ATPAF1: variants seen among roughly 807,000 people sequenced by gnomAD.
ATPAF1 encodes the protein homolog of yeast ATP11.
In ATPAF1, 26 loss-of-function variants were observed where a neutral mutation model predicts 43.9. That is an observed-to-expected ratio of 0.59 (90% CI 0.43 to 0.82). The LOEUF (loss-of-function observed/expected upper bound fraction) is 0.82, where lower values mean the gene tolerates loss of function less well. Ranked by LOEUF, ATPAF1 falls within the 40% of genes least tolerant of loss-of-function variation. ATPAF1 has a pLI of 0.00. For synonymous variants in ATPAF1, 157 were observed against 168.0 expected (o/e 0.93, Z 0.50); for missense variants, 366 against 435.0 (o/e 0.84, Z 1.41).
rs577144577 is a variant in ATPAF1 at position 46,666,562 on chromosome 1, C to A, written c.267-1198G>T. ...GCATAAAAGTAAACAAATGAAAGTA[C>A]AACAGGTATTATGATGAAAATTTGC... On this transcript the variant is annotated intron_variant, in intron 1 of 8. Transcript: ENST00000574428. 2.6e-5 allele frequency among the ~76,000 whole-genome samples: 4 copies of A among 152,354 alleles called. No individual in the cohort carries two copies. In the South Asian group the frequency reaches 8.3e-4, roughly 32 times the overall value.
chr1:46,661,413 T>C (rs1377135288), intron 2 of ATPAF1, among the ~76,000 whole-genome samples: 1 of 152,146 alleles, frequency 6.6e-6, no homozygotes, highest in African/African-American at 2.4e-5. Context: ...TAACACCCAT[T>C]TGCCAGTCAG....
At chr1:46,634,765 G>T (rs898215427), downstream of ATPAF1, 3 of 152,516 alleles carry the variant, frequency 2.0e-5, no homozygotes, top group African/African-American at 7.2e-5. Context: ...ACGAAAGATG[G>T]GTTTCCAGCT....
rs141637108 is a variant in ATPAF1 at position 46,653,878 on chromosome 1, A to G, written c.490-11T>C. 8.1e-6 allele frequency: 13 copies of G among 1,609,880 alleles called. No individual in the cohort carries two copies. In the African/African-American group the frequency reaches 1.1e-4, roughly 13 times the overall value. On this transcript the variant is annotated splice_polypyrimidine_tract_variant and intron_variant, in intron 4 of 8. Coordinates refer to ENST00000574428, the Ensembl canonical transcript of ATPAF1. This position sits in a 1 kb window ranked among gnomAD's most constrained non-coding sequence, Gnocchi z 4.8. ...ATATTGCTGCCAAATCTGTACAAAA[A>G]AGAGAGGGGTGTCTGTGACATGTGG...
chr1:46,634,944 A>G (rs1200860918), downstream of ATPAF1: 1 of 152,638 alleles, frequency 6.6e-6, no homozygotes, highest in Admixed American at 6.5e-5. Flanking sequence ...AATTATTGCT[A>G]TATTTTCCCC....
chr1:46,649,351 TTGTC>T (rs1676120864), intron 6 of ATPAF1, among the ~76,000 whole-genome samples: 1 of 152,148 alleles, frequency 6.6e-6, no homozygotes, highest in Non-Finnish European at 1.5e-5. Context: ...ACATATATGT[TTGTC>T]TATTTCAGGA....
At chr1:46,648,236 G>A (rs992923534) in intron 6 of ATPAF1, among the ~76,000 whole-genome samples, 5 of 151,918 alleles carry the variant, frequency 3.3e-5, no homozygotes, top group Non-Finnish European at 7.4e-5. Context: ...CTCAGCTTCC[G>A]GAGTAGCTGA....
intron 1 of ATPAF1, chr1:46,665,755 C>T (rs1054879369): frequency 1.2e-5 from 18 of 1,515,916 alleles, no homozygotes; most frequent in Non-Finnish European, 1.4e-5. Flanking sequence ...ACATCCAGTT[C>T]TTGAAAATAT....
chr1:46,657,432 A>G (rs1676292779), intron 4 of ATPAF1, among the ~76,000 whole-genome samples: 1 of 152,178 alleles, frequency 6.6e-6, no homozygotes, highest in Admixed American at 6.5e-5. Flanking sequence ...AGAGCTATGA[A>G]TGCCCAGAAA....
At chr1:46,648,445 G>C (rs1676097441) in intron 6 of ATPAF1, among the ~76,000 whole-genome samples, 1 of 152,092 alleles carries the variant, frequency 6.6e-6, no homozygotes. Context: ...GTCTCGCTCT[G>C]TTGTCCGGTC....
intron 1 of ATPAF1, 190 bp from the exon 2 acceptor site, chr1:46,665,554 A>C: frequency 8.3e-7 from 1 of 1,208,230 alleles, no homozygotes; most frequent in East Asian, 2.5e-5. Flanking sequence ...CCTGTTATTC[A>C]ACTGTTGTTA....
At chr1:46,645,206 T>C (rs756955878) in exon 7 of ATPAF1, 8 of 1,613,912 alleles carry the variant, frequency 5.0e-6, no homozygotes, top group Non-Finnish European at 6.8e-6. Flanking sequence ...TACCTGTCCA[T>C]TGTCCTACAA....
intron 4 of ATPAF1, among the ~76,000 whole-genome samples, chr1:46,655,375 T>C (rs904729887): frequency 6.6e-6 from 1 of 152,288 alleles, no homozygotes; most frequent in South Asian, 2.1e-4. Flanking sequence ...TCAGAAGTCC[T>C]ACCTCTGCTT....
chr1:46,657,600 G>GTTAA (rs1171783845), intron 4 of ATPAF1, among the ~76,000 whole-genome samples: 16 of 152,120 alleles, frequency 1.1e-4, no homozygotes, highest in Admixed American at 1.0e-3. Context: ...ACTCTATGAG[G>GTTAA]TAAGTGCTAT....
chr1:46,663,496 C>T (rs1286073647), intron 2 of ATPAF1, among the ~76,000 whole-genome samples: 1 of 152,188 alleles, frequency 6.6e-6, no homozygotes, highest in Non-Finnish European at 1.5e-5. Flanking sequence ...GAGATGGTAT[C>T]TCATTGTGGT....
intron 7 of ATPAF1, 42 bp downstream of exon 7, chr1:46,645,119 G>C (rs1339135662): frequency 1.3e-6 from 2 of 1,510,310 alleles, no homozygotes; most frequent in Non-Finnish European, 1.8e-6. Context: ...CCTACCAAGG[G>C]GTAGTCCTCT....
intron 6 of ATPAF1, among the ~76,000 whole-genome samples, chr1:46,651,666 T>G (rs1053937054): frequency 1.3e-5 from 2 of 152,068 alleles, no homozygotes; most frequent in African/African-American, 4.8e-5. Context: ...CACCTGTTGT[T>G]TCCTGACTTT....
At chr1:46,642,915 T>G (rs1168745796) in intron 8 of ATPAF1, among the ~76,000 whole-genome samples, 1 of 152,208 alleles carries the variant, frequency 6.6e-6, no homozygotes, top group Admixed American at 6.5e-5. Context: ...AGTTACCAAA[T>G]GAGTTCAAGT....
intron 2 of ATPAF1, among the ~76,000 whole-genome samples, chr1:46,662,810 T>C (rs1288826412): frequency 6.6e-6 from 1 of 152,206 alleles, no homozygotes; most frequent in Admixed American, 6.5e-5. Context: ...ACTTTAAGTT[T>C]TAGGGTACAT....
intron 7 of ATPAF1, among the ~76,000 whole-genome samples, chr1:46,644,609 G>C (rs1178943875): frequency 6.6e-6 from 1 of 151,918 alleles, no homozygotes; most frequent in African/African-American, 2.4e-5. Flanking sequence ...GCCAATCCTA[G>C]TTATGATTTA....
Sources: allele counts gnomAD v4.1 joint callset (sites outside exome capture counted in the v4.1 genomes callset), GRCh38; gene constraint gnomAD v4.1.1; non-coding constraint Gnocchi (gnomAD v3.1); transcripts MANE v1.5; gene names NCBI Gene and HGNC (gene_info 2026-07-23, HGNC 2026-07-21).